The following NPAS3 variants were observed in gnomAD, a reference collection of about 807,000 sequenced individuals.
The protein encoded by NPAS3 is neuronal PAS domain protein 3.
Under a neutral mutation model 73.1 loss-of-function variants are expected in NPAS3, and 14 were observed. The ratio of observed to expected loss-of-function variants is 0.19; its 90% CI spans 0.13 to 0.30. NPAS3 has a LOEUF of 0.30. Among genes scored for constraint, NPAS3 ranks in the 10% least tolerant of loss-of-function variants. The pLI is 1.00. For synonymous variants in NPAS3, 620 were observed against 541.5 expected, an observed-to-expected ratio of 1.14 and a Z score of -2.01; for missense variants, 1,096 against 1,250.0, an observed-to-expected ratio of 0.88 and a Z score of 1.86.
intron 2 of NPAS3, among the ~76,000 whole-genome samples, chr14:33,110,265 A>G (rs1266154785): frequency 6.6e-6 from 1 of 152,168 alleles, no homozygotes; most frequent in East Asian, 1.9e-4. Flanking sequence ...CCTGTATAAA[A>G]TGATTTGACA....
intron 1 of NPAS3, among the ~76,000 whole-genome samples, chr14:33,039,902 T>G (rs1348276991): frequency 6.6e-6 from 1 of 152,198 alleles, no homozygotes; most frequent in Non-Finnish European, 1.5e-5. Context: ...GGTATATTTG[T>G]ATGTTTCAGT....
intron 7 of NPAS3, among the ~76,000 whole-genome samples, chr14:33,744,675 A>G (rs964463492): frequency 5.9e-5 from 9 of 152,124 alleles, no homozygotes; most frequent in African/African-American, 1.9e-4. Context: ...CTGTGGTCTC[A>G]GCTACTCAGG....
chr14:33,766,829 C>T (rs755373044), intron 7 of NPAS3, among the ~76,000 whole-genome samples: 1 of 152,166 alleles, frequency 6.6e-6, no homozygotes, highest in Non-Finnish European at 1.5e-5. Context: ...TCTGCATTGT[C>T]ACCCCCTCCC....
chr14:33,110,169 A>G (rs916459589), intron 2 of NPAS3, among the ~76,000 whole-genome samples: 11 of 152,138 alleles, frequency 7.2e-5, no homozygotes, highest in African/African-American at 2.7e-4. Flanking sequence ...TTTAATAAAT[A>G]TGTTATTATT....
intron 2 of NPAS3, among the ~76,000 whole-genome samples, chr14:33,154,612 A>T (rs1396373814): frequency 3.3e-5 from 5 of 152,228 alleles, no homozygotes; most frequent in African/African-American, 4.8e-5. Flanking sequence ...TCAAGATGCT[A>T]AGGATGTTGG....
At chr14:33,406,521 G>A (rs1440196) in intron 4 of NPAS3, among the ~76,000 whole-genome samples, 3,841 of 152,212 alleles carry the variant, frequency 0.025, 68 homozygotes, top group Non-Finnish European at 0.037. Context: ...TCTAACAGAA[G>A]ACGGCACAGG....
chr14:33,773,567 C>A (rs764268209), intron 7 of NPAS3, among the ~76,000 whole-genome samples: 1 of 152,190 alleles, frequency 6.6e-6, no homozygotes, highest in Admixed American at 6.5e-5. Context: ...GCAAAGTTTG[C>A]TTGGTTCCGG....
At position 33,525,049 on chromosome 14, in the gene NPAS3, A is replaced by G. The variant is rs143674067; in HGVS notation, c.469-35072A>G. ...GGGAGAGAACACAATTCAACCCATA[A>G]TAGTACATTTTTAGCAAATGACTGA... On this transcript the variant is annotated intron_variant, in intron 4 of 11. Transcript: ENST00000356141. Among the ~76,000 whole-genome samples the G allele has an allele frequency of 3.2e-4, 48 of 152,312 alleles. No individual in the cohort carries two copies. The East Asian group carries it at 8.5e-3, about 27-fold the overall frequency.
At chr14:33,565,439 G>A (rs1462330779) in intron 5 of NPAS3, among the ~76,000 whole-genome samples, 1 of 152,204 alleles carries the variant, frequency 6.6e-6, no homozygotes, top group African/African-American at 2.4e-5. Context: ...TTGGCCGAGG[G>A]CCAATAAATC....
intron 1 of NPAS3, among the ~76,000 whole-genome samples, chr14:33,000,333 TA>T (rs1157866400): frequency 6.6e-6 from 1 of 152,210 alleles, no homozygotes; most frequent in Non-Finnish European, 1.5e-5. Flanking sequence ...AAATGCCGAC[TA>T]AGTGTGGCAG....
chr14:33,452,774 C>CAA (rs61640170), intron 4 of NPAS3, among the ~76,000 whole-genome samples: 31,472 of 53,414 alleles, frequency 0.59, 11,697 homozygotes, highest in Non-Finnish European at 0.68. Flanking sequence ...GACTCTGTCT[C>CAA]AAAAAAAAAA....
At chr14:33,241,657 CT>C (rs1181209378) in intron 3 of NPAS3, among the ~76,000 whole-genome samples, 1 of 151,914 alleles carries the variant, frequency 6.6e-6, no homozygotes, top group Non-Finnish European at 1.5e-5. Flanking sequence ...ACATTATTGG[CT>C]TATGGGCTGT....
At chr14:33,704,253 TTATAA>T (rs750779133) in intron 6 of NPAS3, among the ~76,000 whole-genome samples, 27 of 152,202 alleles carry the variant, frequency 1.8e-4, no homozygotes, top group Non-Finnish European at 2.2e-4. Context: ...TACATATAAA[TTATAA>T]TGTGTGTGTA....
At chr14:32,951,995 T>A (rs2036501983) in intron 1 of NPAS3, among the ~76,000 whole-genome samples, 1 of 152,034 alleles carries the variant, frequency 6.6e-6, no homozygotes, top group Non-Finnish European at 1.5e-5. Flanking sequence ...TATTTATGGT[T>A]TCTGGAAAAT....
intron 6 of NPAS3, among the ~76,000 whole-genome samples, chr14:33,725,005 T>C (rs887862796): frequency 2.6e-5 from 4 of 152,126 alleles, no homozygotes; most frequent in Admixed American, 2.6e-4. Flanking sequence ...AAAAATAATG[T>C]GTTTGAAAGT....
At chr14:33,095,491 A>G (rs2042375864) in intron 2 of NPAS3, among the ~76,000 whole-genome samples, 2 of 152,076 alleles carry the variant, frequency 1.3e-5, no homozygotes, top group Admixed American at 1.3e-4. Context: ...TGCAGAGAAA[A>G]CAGAGATCTG....
At chr14:33,705,248 T>C (rs2060624970) in intron 6 of NPAS3, among the ~76,000 whole-genome samples, 1 of 152,164 alleles carries the variant, frequency 6.6e-6, no homozygotes, top group Admixed American at 6.5e-5. Flanking sequence ...ATCCTCTCTC[T>C]CCTTCCTTCC....
chr14:33,052,183 G>T lies in NPAS3; in HGVS notation c.51-3722G>T, dbSNP rs748202714. ...CTGTATAAGAAAGTACCATCCCCAA[G>T]AGTGGCAAAGGATCCCTGTTGTCCT... On this transcript the variant is annotated intron_variant, in intron 1 of 11. Coordinates refer to ENST00000356141, the Ensembl canonical transcript of NPAS3. Among the ~76,000 whole-genome samples, 7 of 152,290 alleles carry T rather than the reference G, an allele frequency of 4.6e-5. No individual in the cohort carries two copies. The East Asian group carries it at 1.3e-3, about 29-fold the overall frequency.
At chr14:33,347,480 C>A (rs2044796848) in intron 3 of NPAS3, among the ~76,000 whole-genome samples, 1 of 152,202 alleles carries the variant, frequency 6.6e-6, no homozygotes, top group African/African-American at 2.4e-5. Context: ...GTGCTTAAAG[C>A]AGACTAAGAT....
Sources: allele counts gnomAD v4.1 joint callset (sites outside exome capture counted in the v4.1 genomes callset), GRCh38; gene constraint gnomAD v4.1.1; transcripts MANE v1.5; gene names NCBI Gene and HGNC (gene_info 2026-07-23, HGNC 2026-07-21).